RYR2: variants seen among roughly 807,000 people sequenced by gnomAD.
The protein encoded by RYR2 is ryanodine receptor 2, also known as cardiac muscle ryanodine receptor-calcium release channel.
RYR2 carries 227 observed loss-of-function variants against 601.1 expected under a neutral mutation model. The ratio of observed to expected loss-of-function variants is 0.38; its 90% CI spans 0.34 to 0.42. The LOEUF is 0.42. RYR2 is among the 10% of genes least tolerant of loss of function. RYR2 has a pLI of 1.00. For missense variants in RYR2, 4,646 were observed against 6,156.5 expected (o/e 0.75, Z 8.21); for synonymous variants, 2,223 against 2,175.1 (o/e 1.02, Z -0.61).
At position 237,649,903 on chromosome 1, in the gene RYR2, C is replaced by T. The variant is rs745761104; in HGVS notation, c.7539C>T (p.Ala2513=). Residue 2513 remains alanine, a synonymous_variant, in exon 50 of 105, where the codon GCC becomes GCT. Transcript: ENST00000366574. ...CAGCTTTGAGTGCTACAGACATGGC[C>T]TTGGCCCTCAATCGGTACCTTTGCA... ...DTAALSATDM[A]LALNRYLCTA... 1 of 1,613,926 alleles carries T rather than the reference C, an allele frequency of 6.2e-7. No individual in the cohort carries two copies. Among genetic ancestry groups the T allele is most frequent in the South Asian group, 1.1e-5 (1 of 91,076 alleles).
intron 60 of RYR2, among the ~76,000 whole-genome samples, chr1:237,677,818 C>G (rs1041270337): frequency 1.3e-5 from 2 of 152,152 alleles, no homozygotes; most frequent in African/African-American, 4.8e-5. Flanking sequence ...GTGTCTCTAA[C>G]CACAACTATG....
At chr1:237,472,780 G>A (rs533487572) in intron 17 of RYR2, among the ~76,000 whole-genome samples, 4 of 152,072 alleles carry the variant, frequency 2.6e-5, no homozygotes, top group South Asian at 2.1e-4. Context: ...GTCTTTGCAC[G>A]CATAGGCTGT....
Position 237,534,202 on chromosome 1 carries a change from G to T in RYR2, c.2906+3692G>T, listed in dbSNP as rs1016065564. ...CTTTTATCAGTTTCTAAATAAAATT[G>T]ACCTTAAACAAAATTAATATTAAGA... On this transcript the variant is annotated intron_variant, in intron 25 of 104. Transcript: ENST00000366574. Among the ~76,000 whole-genome samples, 12 of 151,430 alleles carry T rather than the reference G, an allele frequency of 7.9e-5. No individual in the cohort carries two copies. The East Asian group carries it at 2.3e-3, about 29-fold the overall frequency.
At chr1:237,229,048 G>A (rs1002306482) in intron 1 of RYR2, among the ~76,000 whole-genome samples, 1 of 152,168 alleles carries the variant, frequency 6.6e-6, no homozygotes, top group African/African-American at 2.4e-5. Flanking sequence ...GCTGAGGCCT[G>A]TGGTGGAGCT....
intron 84 of RYR2, among the ~76,000 whole-genome samples, chr1:237,763,068 TA>T (rs1246678468): frequency 5.9e-5 from 9 of 152,242 alleles, no homozygotes; most frequent in African/African-American, 2.2e-4. Flanking sequence ...TGCATCCTGT[TA>T]TTTTTTACAT....
chr1:237,379,967 A>T (rs969640272), intron 8 of RYR2, among the ~76,000 whole-genome samples: 2 of 152,154 alleles, frequency 1.3e-5, no homozygotes, highest in African/African-American at 4.8e-5. Flanking sequence ...AGGACACATC[A>T]CTCATGCTTT....
chr1:237,254,955 T>C (rs1327641103), intron 1 of RYR2, among the ~76,000 whole-genome samples: 1 of 152,208 alleles, frequency 6.6e-6, no homozygotes, highest in Non-Finnish European at 1.5e-5. Flanking sequence ...TAACTCTTTA[T>C]GTGCTAATGG....
At chr1:237,124,951 A>G (rs940451163) in intron 1 of RYR2, among the ~76,000 whole-genome samples, 32 of 152,332 alleles carry the variant, frequency 2.1e-4, no homozygotes, top group African/African-American at 7.7e-4. Flanking sequence ...AAAGAGAAAT[A>G]AAGGAATCTG....
Position 237,454,401 on chromosome 1 carries a change from G to A in RYR2, c.1303G>A (p.Ala435Thr). Residue 435 changes from alanine to threonine, a missense_variant, in exon 15 of 105, where the codon GCT becomes ACT. By Grantham distance (58) the Ala-to-Thr change is moderately conservative. Transcript: ENST00000366574. Reference sequence around the variant, plus strand: ...TATGGTTTATTTTAGGGGCCTTGATGCTCTCAGCAAGAAAGCGAAGGCTTC... The same window carrying A: ...TATGGTTTATTTTAGGGGCCTTGATACTCTCAGCAAGAAAGCGAAGGCTTC... ...LFNRFIRGLD[A>T]LSKKAKASTV... The A allele has an allele frequency of 1.2e-6, 2 of 1,606,550 alleles. No individual in the cohort carries two copies. Among genetic ancestry groups the A allele is most frequent in the Non-Finnish European group, 1.7e-6 (2 of 1,176,680 alleles).
chr1:237,830,952 C>T (rs1421729096), intron 103 of RYR2, among the ~76,000 whole-genome samples: 1 of 152,044 alleles, frequency 6.6e-6, no homozygotes, highest in Non-Finnish European at 1.5e-5. Flanking sequence ...TAGGGAGATG[C>T]GAGTCTCCGT....
chr1:237,333,587 A>C (rs139994377), intron 3 of RYR2: 17 of 455,972 alleles, frequency 3.7e-5, no homozygotes, highest in Non-Finnish European at 4.9e-5. Context: ...TTTCCACTTA[A>C]CCATTTTATT....
intron 8 of RYR2, among the ~76,000 whole-genome samples, chr1:237,382,872 A>G (rs1701649409): frequency 6.7e-6 from 1 of 149,392 alleles, no homozygotes; most frequent in Non-Finnish European, 1.5e-5. Context: ...AAAATATTAC[A>G]TTTGGAAAGA....
chr1:237,441,472 A>G lies in RYR2; in HGVS notation c.1159A>G (p.Ile387Val), dbSNP rs748169418. 3.2e-6 allele frequency: 5 copies of G among 1,544,650 alleles called. No homozygotes were observed. Among genetic ancestry groups the G allele is most frequent in the African/African-American group, 2.7e-5 (2 of 73,122 alleles). Residue 387 changes from isoleucine (I) to valine (V), a missense_variant, in exon 13 of 105, where the codon ATA becomes GTA. Ile to Val is a conservative substitution (Grantham distance 29). Transcript: ENST00000366574. ...VDVKSVRMGS[I>V]QRKAIMHHEG... ...CGTGAAATCCGTGAGAATGGGATCT[A>G]TACAACGTAAGGTAAGGTGATAGAA...
rs71561856 is a variant in RYR2 at position 237,082,524 on chromosome 1, CATATATATAT to C, written c.48+39979_48+39988del. On this transcript the variant is annotated intron_variant, in intron 1 of 104. Coordinates refer to ENST00000366574, the MANE Select transcript of RYR2 (RefSeq NM_001035.3). ...TGTTATATTCTTTCAAATAGGAAAACATATATATATATATATATATATATATATATATAAA... is the reference window on the plus strand; with the variant it reads ...TGTTATATTCTTTCAAATAGGAAAACATATATATATATATATATATATAAA... Among the ~76,000 whole-genome samples, 623 of 80,002 alleles carry C rather than the reference CATATATATAT, an allele frequency of 7.8e-3. 14 individuals are homozygous for C. Among genetic ancestry groups the C allele is most frequent in the Middle Eastern group, 0.02 (2 of 102 alleles). 52.5% of individuals were successfully genotyped at this position (80,002 alleles called of 152,430 possible).
chr1:237,590,535 G>GC, intron 30 of RYR2, 105 bp from the exon 31 acceptor site: 1 of 818,336 alleles, frequency 1.2e-6, no homozygotes, highest in African/African-American at 1.7e-5. Flanking sequence ...GCCATGTGTG[G>GC]ACCGCATTTG....
intron 1 of RYR2, among the ~76,000 whole-genome samples, chr1:237,044,636 C>G (rs1351402849): frequency 2.4e-5 from 2 of 84,414 alleles, no homozygotes; most frequent in African/African-American, 9.0e-5. Flanking sequence ...CACAGTGGAG[C>G]AGGGGGATTT....
rs571261144 is a variant in RYR2 at position 237,557,096 on chromosome 1, T to C, written c.3214+6405T>C. 2.0e-5 allele frequency among the ~76,000 whole-genome samples: 3 copies of C among 152,176 alleles called. No individual in the cohort carries two copies. The East Asian group carries it at 5.8e-4, about 29-fold the overall frequency. ...TACTAAGACAGCTCACTTGCATAAC[T>C]GTTGGCTAAAGAACTCGCTTCCTCT... is the stretch of plus-strand genomic sequence containing the variant. On this transcript the variant is annotated intron_variant, in intron 27 of 104. Coordinates refer to ENST00000366574, the MANE Select transcript of RYR2 (RefSeq NM_001035.3).
At chr1:237,442,782 T>C (rs1708023961) in intron 13 of RYR2, among the ~76,000 whole-genome samples, 1 of 152,176 alleles carries the variant, frequency 6.6e-6, no homozygotes, top group Non-Finnish European at 1.5e-5. Flanking sequence ...TCTTGGTAAT[T>C]CCCATGAACT....
chr1:237,600,140 A>T (rs1343966867), intron 34 of RYR2, among the ~76,000 whole-genome samples: 1 of 152,214 alleles, frequency 6.6e-6, no homozygotes, highest in African/African-American at 2.4e-5. Context: ...TTGAGCAAAA[A>T]GAATAAAGCT....
Sources: gnomAD v4.1 joint callset for allele counts (sites outside exome capture counted in the v4.1 genomes callset) on GRCh38, gnomAD v4.1.1 for gene constraint, MANE v1.5 for transcripts, NCBI Gene and HGNC (gene_info 2026-07-23, HGNC 2026-07-21) for gene names.